YAP1: variants seen among roughly 807,000 people sequenced by gnomAD.
The protein encoded by YAP1 is transcriptional coactivator YAP1.
In YAP1, 5 loss-of-function variants were observed where a neutral mutation model predicts 56.9. That is an observed-to-expected ratio of 0.09 (90% CI 0.05 to 0.18). The LOEUF (loss-of-function observed/expected upper bound fraction) is 0.18. YAP1 is among the 10% of genes least tolerant of loss of function. The probability of loss-of-function intolerance (pLI) is 1.00; values close to 1 mark genes in which losing one functional copy is unlikely to be tolerated. For synonymous variants in YAP1, 265 were observed against 248.1 expected, an observed-to-expected ratio of 1.07 and a Z score of -0.64; for missense variants, 539 against 651.8, an observed-to-expected ratio of 0.83 and a Z score of 1.88.
At chr11:102,127,596 C>T (rs1279733994) in intron 2 of YAP1, among the ~76,000 whole-genome samples, 1 of 152,184 alleles carries the variant, frequency 6.6e-6, no homozygotes, top group East Asian at 1.9e-4. Flanking sequence ...TGGAGAACCT[C>T]TGCTAGGGCA....
At chr11:102,223,856 A>G (rs1214296338) in intron 7 of YAP1, 104 bp downstream of exon 7, 27 of 1,421,274 alleles carry the variant, frequency 1.9e-5, no homozygotes, top group South Asian at 2.7e-5. Flanking sequence ...GTGTGGGCCA[A>G]AAACCATAGC....
At position 102,191,358 on chromosome 11, in the gene YAP1, C is replaced by CT. The variant is rs796816309; in HGVS notation, c.802+5243dup. On this transcript the variant is annotated intron_variant, in intron 4 of 8. Transcript: ENST00000282441. ...ATTACGATTCCTCGGACCACCAACA[C>CT]TTTTTTTTTTTTTTTTAAATGCTGG... 4.6e-3 allele frequency among the ~76,000 whole-genome samples: 645 copies of CT among 141,574 alleles called. 15 individuals carry two copies. In the East Asian group the frequency reaches 0.078, roughly 17 times the overall value. The allele number at this position is 141,574 out of a possible 152,430, so 92.9% of individuals were successfully genotyped here.
At chr11:102,118,345 G>A (rs1943425096) in intron 2 of YAP1, among the ~76,000 whole-genome samples, 2 of 152,002 alleles carry the variant, frequency 1.3e-5, no homozygotes, top group South Asian at 2.1e-4. Context: ...ATTTAAAAAG[G>A]ATATGTTTTT....
At chr11:102,207,143 A>G (rs1181834415) in intron 5 of YAP1, among the ~76,000 whole-genome samples, 1 of 152,152 alleles carries the variant, frequency 6.6e-6, no homozygotes, top group Admixed American at 6.6e-5. Context: ...ATTTCCATAT[A>G]AAATTTTTTT....
intron 3 of YAP1, among the ~76,000 whole-genome samples, chr11:102,174,123 G>A (rs193257106): frequency 6.6e-6 from 1 of 152,260 alleles, no homozygotes; most frequent in African/African-American, 2.4e-5. Context: ...ATAGAATACT[G>A]TTGAATGGCT....
At chr11:102,184,076 CAAAAA>C (rs1226783169) in intron 3 of YAP1, among the ~76,000 whole-genome samples, 2 of 47,182 alleles carry the variant, frequency 4.2e-5, no homozygotes, top group Non-Finnish European at 8.8e-5. Context: ...GACTCCGTCT[CAAAAA>C]AAAAAAAAAA....
At chr11:102,162,036 T>C (rs1262074453) in intron 2 of YAP1, among the ~76,000 whole-genome samples, 1 of 152,166 alleles carries the variant, frequency 6.6e-6, no homozygotes, top group Non-Finnish European at 1.5e-5. Flanking sequence ...AAAAAGGCGT[T>C]TTAGGCCTAA....
chr11:102,205,733 TGTA>T (rs1949086873), intron 4 of YAP1, among the ~76,000 whole-genome samples, 157 bp from the exon 5 acceptor site: 1 of 152,232 alleles, frequency 6.6e-6, no homozygotes, highest in Admixed American at 6.5e-5. Context: ...AATAAATTAA[TGTA>T]GTCATTGTGA....
chr11:102,129,333 C>T (rs899110334), intron 2 of YAP1, among the ~76,000 whole-genome samples: 1 of 152,126 alleles, frequency 6.6e-6, no homozygotes, highest in African/African-American at 2.4e-5. Flanking sequence ...AAAATACATT[C>T]ATCTGGGCCA....
intron 2 of YAP1, among the ~76,000 whole-genome samples, chr11:102,145,159 CCT>C (rs1164010233): frequency 6.6e-6 from 1 of 152,090 alleles, no homozygotes; most frequent in African/African-American, 2.4e-5. Context: ...GAGACTGTGA[CCT>C]CTTGATCCAG....
intron 3 of YAP1, among the ~76,000 whole-genome samples, chr11:102,178,973 A>T (rs893897062): frequency 6.6e-6 from 1 of 152,066 alleles, no homozygotes; most frequent in Non-Finnish European, 1.5e-5. Context: ...AAACAACCAG[A>T]TCTCAGGTGA....
chr11:102,162,404 G>GT (rs1591280727), intron 2 of YAP1, 52 bp from the exon 3 acceptor site: 3 of 1,527,338 alleles, frequency 2.0e-6, no homozygotes, highest in Non-Finnish European at 2.7e-6. Context: ...GATAAGAATT[G>GT]TTTTTGGAAC....
chr11:102,217,480 A>G (rs978203713), intron 6 of YAP1, among the ~76,000 whole-genome samples: 1 of 152,240 alleles, frequency 6.6e-6, no homozygotes, highest in Non-Finnish European at 1.5e-5. Context: ...CTACAGTGGA[A>G]TACTAGTTAG....
chr11:102,128,182 A>G (rs1290339290), intron 2 of YAP1, among the ~76,000 whole-genome samples: 3 of 152,146 alleles, frequency 2.0e-5, no homozygotes, highest in South Asian at 4.1e-4. Flanking sequence ...ATATGAGGAC[A>G]TGAGATTTGG....
At chr11:102,145,538 G>A (rs1945277258) in intron 2 of YAP1, among the ~76,000 whole-genome samples, 1 of 152,076 alleles carries the variant, frequency 6.6e-6, no homozygotes, top group Non-Finnish European at 1.5e-5. Context: ...TATAATAATT[G>A]TATCATCTAG....
At chr11:102,179,534 C>A (rs1408211000) in intron 3 of YAP1, among the ~76,000 whole-genome samples, 7 of 152,172 alleles carry the variant, frequency 4.6e-5, no homozygotes, top group African/African-American at 1.7e-4. Flanking sequence ...GCAGCCTCTT[C>A]ATGCTTGCCC....
rs996248593 is a variant in YAP1 at position 102,232,287 on chromosome 11, G to A, written c.*2347G>A. 8 of 142,360 alleles carry A rather than the reference G, an allele frequency of 5.6e-5. No individual in the cohort carries two copies. Among genetic ancestry groups the A allele is most frequent in the Admixed American group, 1.4e-4 (2 of 13,924 alleles). 8.8% of individuals were successfully genotyped at this position (142,360 alleles called of 1,614,324 possible). On this transcript the variant is annotated 3_prime_UTR_variant, in exon 9 of 9. Transcript: ENST00000282441. The stretch of plus-strand genomic sequence containing the variant: ...GGAGGGTGGGAAAGTTTGGGGGGGG[G>A]GTTGTGAAGATTTAGGGGGACCTTG...
At chr11:102,129,103 C>T (rs1944219607) in intron 2 of YAP1, among the ~76,000 whole-genome samples, 1 of 152,140 alleles carries the variant, frequency 6.6e-6, no homozygotes, top group African/African-American at 2.4e-5. Flanking sequence ...CAGTATACTG[C>T]ATAAGTTAAC....
chr11:102,206,296 G>A (rs1320657744), intron 5 of YAP1, among the ~76,000 whole-genome samples: 1 of 152,196 alleles, frequency 6.6e-6, no homozygotes. Context: ...CCTGTATCAT[G>A]AAGAGCTGTT....
Sources: allele counts gnomAD v4.1 joint callset (sites outside exome capture counted in the v4.1 genomes callset), GRCh38; gene constraint gnomAD v4.1.1; transcripts MANE v1.5; gene names NCBI Gene and HGNC (gene_info 2026-07-23, HGNC 2026-07-21).